The following DYNC2I1 variants were observed in gnomAD, a reference collection of about 807,000 sequenced individuals.
The protein encoded by DYNC2I1 is cytoplasmic dynein 2 intermediate chain 1.
DYNC2I1 carries 89 observed loss-of-function variants against 133.4 expected under a neutral mutation model. The observed-to-expected ratio is 0.67, with a 90% CI of 0.56 to 0.80. DYNC2I1 has a LOEUF of 0.80. Among genes scored for constraint, DYNC2I1 ranks in the 30% least tolerant of loss-of-function variants. DYNC2I1 has a pLI of 0.00. For synonymous variants in DYNC2I1, 504 were observed against 484.3 expected (o/e 1.04, Z -0.54); for missense variants, 1,291 against 1,314.5 (o/e 0.98, Z 0.28).
intron 20 of DYNC2I1, 111 bp from the exon 21 acceptor site, chr7:158,930,344 A>G (rs941474833): frequency 1.5e-5 from 14 of 957,110 alleles, no homozygotes; most frequent in Non-Finnish European, 2.0e-5. Context: ...ATTTGATGTT[A>G]TTTCCTAACA....
intron 7 of DYNC2I1, among the ~76,000 whole-genome samples, chr7:158,889,020 G>C (rs939917176): frequency 1.1e-4 from 16 of 147,422 alleles, no homozygotes; most frequent in African/African-American, 3.8e-4. Context: ...GAGTTTGGAA[G>C]CCAGTTTTAA....
chr7:158,915,040 G>A (rs542399839), intron 14 of DYNC2I1, among the ~76,000 whole-genome samples: 1 of 151,834 alleles, frequency 6.6e-6, no homozygotes, highest in South Asian at 2.1e-4. Context: ...GGAACGTTGT[G>A]AAACCTCAAC....
intron 1 of DYNC2I1, among the ~76,000 whole-genome samples, chr7:158,868,566 AGT>A (rs1170076174): frequency 1.3e-5 from 2 of 152,268 alleles, no homozygotes; most frequent in African/African-American, 4.8e-5. Flanking sequence ...GCTCTGCAGC[AGT>A]GCTCGGTGTG....
chr7:158,924,032 C>G (rs1464652222), intron 17 of DYNC2I1, among the ~76,000 whole-genome samples: 1 of 152,136 alleles, frequency 6.6e-6, no homozygotes, highest in African/African-American at 2.4e-5. Context: ...CATGGGTGTT[C>G]TTCAGGGCAA....
the DYNC2I1 span, among the ~76,000 whole-genome samples, chr7:158,842,316 C>G: frequency 1.3e-5 from 2 of 152,226 alleles, no homozygotes; most frequent in Non-Finnish European, 2.9e-5. Context: ...CATGAGCCAC[C>G]ACGCCCAGCC....
chr7:158,947,232 C>T (rs138745682), downstream of DYNC2I1, among the ~76,000 whole-genome samples: 1 of 152,118 alleles, frequency 6.6e-6, no homozygotes, highest in African/African-American at 2.4e-5. Context: ...TGCATCTTCG[C>T]GGAACCCAGG....
chr7:158,878,308 G>C (rs1401720780), intron 4 of DYNC2I1, among the ~76,000 whole-genome samples: 2 of 142,404 alleles, frequency 1.4e-5, no homozygotes, highest in Non-Finnish European at 3.1e-5. Context: ...CACCATGTGG[G>C]GATGCCAGGA....
intron 5 of DYNC2I1, among the ~76,000 whole-genome samples, chr7:158,882,553 A>G (rs898291371): frequency 1.3e-5 from 2 of 152,166 alleles, no homozygotes; most frequent in Non-Finnish European, 2.9e-5. Flanking sequence ...ACTGCAGTCC[A>G]ACCTGCGTGG....
rs185954809 is a variant in DYNC2I1 at position 158,941,100 on chromosome 7, A to G, written c.2779-825A>G. Among the ~76,000 whole-genome samples, 6 of 152,324 alleles carry G rather than the reference A, an allele frequency of 3.9e-5. No individual in the cohort carries two copies. The East Asian group carries it at 1.2e-3, about 29-fold the overall frequency. On this transcript the variant is annotated intron_variant, in intron 23 of 24. Transcript: ENST00000407559. Reference sequence around the variant, plus strand: ...TTTTAGCTAGAATAACTAAGAAAAAAGAAGACCCAAATAAAATAAAATCAG... The same window carrying G: ...TTTTAGCTAGAATAACTAAGAAAAAGGAAGACCCAAATAAAATAAAATCAG...
intron 23 of DYNC2I1, among the ~76,000 whole-genome samples, chr7:158,935,911 C>A (rs1205097545): frequency 6.6e-6 from 1 of 152,140 alleles, no homozygotes; most frequent in African/African-American, 2.4e-5. Flanking sequence ...ACTAAAAATA[C>A]AAAGTTATCT....
downstream of DYNC2I1, among the ~76,000 whole-genome samples, chr7:158,948,084 G>A (rs1317014185): frequency 1.3e-5 from 2 of 152,230 alleles, no homozygotes; most frequent in Non-Finnish European, 2.9e-5. Context: ...AGCCTGCCCT[G>A]GCGCTAGCGA....
chr7:158,884,067 T>C (rs1470869987), intron 5 of DYNC2I1, among the ~76,000 whole-genome samples: 56 of 143,634 alleles, frequency 3.9e-4, no homozygotes, highest in African/African-American at 1.2e-3. Context: ...TTTTTTGAGA[T>C]GGAGTCTCGC....
intron 1 of DYNC2I1, 51 bp downstream of exon 1, chr7:158,856,801 C>A: frequency 8.1e-7 from 1 of 1,231,158 alleles, no homozygotes; most frequent in South Asian, 4.1e-5. Context: ...TCGCGGACTC[C>A]TTCGGGCGCC....
At chr7:158,865,025 TC>T (rs935344433) in intron 1 of DYNC2I1, among the ~76,000 whole-genome samples, 4 of 152,178 alleles carry the variant, frequency 2.6e-5, no homozygotes, top group Admixed American at 6.5e-5. Context: ...GAGCGTCAGG[TC>T]CAGGGGCTTC....
intron 14 of DYNC2I1, among the ~76,000 whole-genome samples, chr7:158,916,926 T>A (rs568550067): frequency 1.2e-5 from 1 of 80,726 alleles, no homozygotes; most frequent in Non-Finnish European, 2.9e-5. Context: ...TAAGGATGAT[T>A]GTGAAACGTC....
rs1044348011 is a variant in DYNC2I1, at chr7:158,918,847, C to T, written c.1899C>T (p.Asn633=). The change falls in exon 15 of 25, where the codon AAC becomes AAT. Residue 633 remains asparagine, a synonymous_variant. Transcript: ENST00000407559. ...LYFSDSSSQL[N]TSLPFLQNRK... ...TTAGTGACAGCTCATCTCAGCTGAACACCAGTCTACCATTCCTTCAAAGTA... is the reference window on the plus strand; with the variant it reads ...TTAGTGACAGCTCATCTCAGCTGAATACCAGTCTACCATTCCTTCAAAGTA... 1.5e-5 allele frequency: 24 copies of T among 1,613,516 alleles called. No individual in the cohort carries two copies. The highest frequency in any genetic ancestry group is 2.0e-5 in the Non-Finnish European group (24 of 1,179,688).
intron 23 of DYNC2I1, among the ~76,000 whole-genome samples, chr7:158,937,392 C>T (rs1009631445): frequency 2.0e-5 from 3 of 152,030 alleles, no homozygotes; most frequent in South Asian, 2.1e-4. Flanking sequence ...TTTGGGAGGC[C>T]GAGGCGGGTG....
At chr7:158,949,036 C>T (rs1851971184), downstream of DYNC2I1, among the ~76,000 whole-genome samples, 1 of 152,150 alleles carries the variant, frequency 6.6e-6, no homozygotes, top group Non-Finnish European at 1.5e-5. Context: ...TGGCACAGAA[C>T]CGGGCAGCCT....
the DYNC2I1 span, among the ~76,000 whole-genome samples, chr7:158,839,410 C>T: frequency 6.6e-6 from 1 of 150,582 alleles, no homozygotes; most frequent in Non-Finnish European, 1.5e-5. Flanking sequence ...TAATGTGACT[C>T]CGTAACACCT....
Sources: gnomAD v4.1 joint callset for allele counts (sites outside exome capture counted in the v4.1 genomes callset) on GRCh38, gnomAD v4.1.1 for gene constraint, MANE v1.5 for transcripts, NCBI Gene and HGNC (gene_info 2026-07-23, HGNC 2026-07-21) for gene names.